SLC9A9: variants seen among roughly 807,000 people sequenced by gnomAD.
SLC9A9 encodes the protein solute carrier family 9 member A9, also known as sodium/hydrogen exchanger 9.
A neutral mutation model predicts 77.8 loss-of-function variants in SLC9A9; 62 were observed. The observed-to-expected ratio is 0.80, with a 90% CI of 0.65 to 0.98. The LOEUF (loss-of-function observed/expected upper bound fraction) is 0.98. Ranked by LOEUF, SLC9A9 falls within the 50% of genes least tolerant of loss-of-function variation. The pLI is 0.00. For missense variants in SLC9A9, 775 were observed against 774.9 expected (o/e 1.00, Z 0.00); for synonymous variants, 320 against 283.5 (o/e 1.13, Z -1.29).
chr3:143,437,805 T>C (rs150318889), intron 12 of SLC9A9, among the ~76,000 whole-genome samples: 167 of 151,824 alleles, frequency 1.1e-3, no homozygotes, highest in African/African-American at 3.4e-3. Context: ...CGCTTATGAG[T>C]GTTCATGAAA....
rs567794120 is a variant in SLC9A9 at position 143,588,843 on chromosome 3, G to A, written c.756-10120C>T. ...CACTACTGTGGGCCTATTCATTTAA[G>A]AAAGAGAGAATAATTCTCATGGCCT... On this transcript the variant is annotated intron_variant, in intron 6 of 15. Coordinates refer to ENST00000316549, the MANE Select transcript of SLC9A9 (RefSeq NM_173653.4). Among the ~76,000 whole-genome samples, 140 of 152,272 alleles carry A rather than the reference G, an allele frequency of 9.2e-4. 3 individuals carry two copies. In the South Asian group the frequency reaches 0.028, roughly 31 times the overall value.
chr3:143,675,978 A>C (rs941227151), intron 5 of SLC9A9, among the ~76,000 whole-genome samples: 4 of 152,090 alleles, frequency 2.6e-5, no homozygotes, highest in African/African-American at 9.7e-5. Context: ...GGCACCAGGG[A>C]CAGGTTTCTC....
intron 9 of SLC9A9, among the ~76,000 whole-genome samples, chr3:143,507,948 T>TGA (rs778483226): frequency 1.5e-4 from 23 of 152,146 alleles, no homozygotes; most frequent in Non-Finnish European, 3.1e-4. Flanking sequence ...ATCCCACTAG[T>TGA]GAGGGCTCCA....
intron 12 of SLC9A9, among the ~76,000 whole-genome samples, chr3:143,425,805 T>TA (rs1482554984): frequency 6.6e-6 from 1 of 152,146 alleles, no homozygotes; most frequent in Non-Finnish European, 1.5e-5. Context: ...AATGTTACTT[T>TA]AAAACATTTT....
At chr3:143,411,917 G>T (rs920679628) in intron 12 of SLC9A9, among the ~76,000 whole-genome samples, 1 of 152,150 alleles carries the variant, frequency 6.6e-6, no homozygotes, top group Non-Finnish European at 1.5e-5. Context: ...TTGTGGGCCA[G>T]TGAACAACAA....
At chr3:143,433,953 CT>C (rs2034574118) in intron 12 of SLC9A9, among the ~76,000 whole-genome samples, 1 of 152,254 alleles carries the variant, frequency 6.6e-6, no homozygotes, top group East Asian at 1.9e-4. Flanking sequence ...GTCTACCTCT[CT>C]AGGGGGCGCT....
intron 4 of SLC9A9, among the ~76,000 whole-genome samples, chr3:143,787,786 G>A (rs1001087546): frequency 7.3e-5 from 11 of 151,582 alleles, no homozygotes; most frequent in Non-Finnish European, 1.2e-4. Flanking sequence ...AAGTGGGTCC[G>A]TAAGAAAAAT....
chr3:143,582,821 C>T (rs2037479326), intron 6 of SLC9A9, among the ~76,000 whole-genome samples: 2 of 152,088 alleles, frequency 1.3e-5, no homozygotes, highest in South Asian at 4.2e-4. Context: ...TAAGCAAAGT[C>T]CTCTGGCTTC....
intron 2 of SLC9A9, among the ~76,000 whole-genome samples, chr3:143,799,243 C>T (rs1402697956): frequency 2.0e-5 from 3 of 152,294 alleles, no homozygotes; most frequent in Middle Eastern, 6.8e-3. Flanking sequence ...CTTTACTGCC[C>T]TAGACCCATA....
At chr3:143,274,506 T>C (rs76501861) in intron 14 of SLC9A9, among the ~76,000 whole-genome samples, 2,028 of 152,284 alleles carry the variant, frequency 0.013, 50 homozygotes, top group African/African-American at 0.047. Context: ...GCTGGATTTG[T>C]AGCATTTCCC....
chr3:143,596,902 T>G (rs943626462), intron 6 of SLC9A9, among the ~76,000 whole-genome samples: 1 of 152,152 alleles, frequency 6.6e-6, no homozygotes, highest in Middle Eastern at 3.2e-3. Flanking sequence ...GCTCAAGCAG[T>G]CCTCCTGCCT....
In SLC9A9 at chr3:143,574,137, G is replaced by GA; in HGVS notation, c.950dup (p.Leu318ProfsTer45). 7 of 1,613,590 alleles carry GA rather than the reference G, an allele frequency of 4.3e-6. No individual in the cohort carries two copies. Among genetic ancestry groups the GA allele is most frequent in the Non-Finnish European group, 5.9e-6 (7 of 1,179,662 alleles). ...ACAGGAAGGCACTCCAAGAAAGCAG[G>GA]AAAAACAGGCCGGTTTCCAGCATCG... On this transcript the variant is annotated frameshift_variant, in exon 8 of 16. Coordinates refer to ENST00000316549, the MANE Select transcript of SLC9A9 (RefSeq NM_173653.4). LOFTEE classifies it high-confidence loss of function.
chr3:143,526,204 A>G (rs2036403297), intron 9 of SLC9A9, among the ~76,000 whole-genome samples: 2 of 152,166 alleles, frequency 1.3e-5, no homozygotes, highest in Non-Finnish European at 2.9e-5. Context: ...TTGTTTGGGG[A>G]AGATAGTGGG....
chr3:143,765,182 C>A (rs2007274777), intron 4 of SLC9A9, among the ~76,000 whole-genome samples: 1 of 149,352 alleles, frequency 6.7e-6, no homozygotes, highest in Non-Finnish European at 1.5e-5. Flanking sequence ...CCCTCAGGCC[C>A]ACCCTTCCTC....
intron 6 of SLC9A9, among the ~76,000 whole-genome samples, chr3:143,613,865 T>A (rs1036015999): frequency 6.6e-6 from 1 of 152,188 alleles, no homozygotes; most frequent in Non-Finnish European, 1.5e-5. Context: ...ATTTATTCTT[T>A]CATATGAAAT....
At chr3:143,600,013 T>C (rs1201179653) in intron 6 of SLC9A9, among the ~76,000 whole-genome samples, 1 of 150,430 alleles carries the variant, frequency 6.6e-6, no homozygotes, top group Non-Finnish European at 1.5e-5. Flanking sequence ...TTTGCTACCT[T>C]TTTTTTTTAA....
chr3:143,740,251 G>GAT lies in SLC9A9; in HGVS notation c.534-46946_534-46945dup, dbSNP rs570683415. Among the ~76,000 whole-genome samples, 477 of 152,172 alleles carry GAT rather than the reference G, an allele frequency of 3.1e-3. 1 individual carries two copies. The highest frequency in any genetic ancestry group is 0.011 in the African/African-American group (438 of 41,520). On this transcript the variant is annotated intron_variant, in intron 4 of 15. Coordinates refer to ENST00000316549, the MANE Select transcript of SLC9A9 (RefSeq NM_173653.4). ...TTTAGACAAAAAAATGAGAGAGAGA[G>GAT]ATATATATATAGCCAAATTATTGTT...
chr3:143,381,029 G>T (rs2033290950), intron 13 of SLC9A9, among the ~76,000 whole-genome samples: 1 of 152,276 alleles, frequency 6.6e-6, no homozygotes, highest in African/African-American at 2.4e-5. Context: ...CAGCAAAAAG[G>T]TGTAAAATTT....
intron 13 of SLC9A9, among the ~76,000 whole-genome samples, chr3:143,379,793 A>G (rs2033262261): frequency 6.6e-6 from 1 of 152,166 alleles, no homozygotes. Context: ...AAGCTTACTT[A>G]TGGTTTGACT....
Sources: allele counts gnomAD v4.1 joint callset (sites outside exome capture counted in the v4.1 genomes callset), GRCh38; gene constraint gnomAD v4.1.1; transcripts MANE v1.5; gene names NCBI Gene and HGNC (gene_info 2026-07-23, HGNC 2026-07-21).